The following PTPRD variants were observed in gnomAD, a reference collection of about 807,000 sequenced individuals.
PTPRD encodes the protein receptor-type tyrosine-protein phosphatase delta.
A neutral mutation model predicts 214.5 loss-of-function variants in PTPRD; 34 were observed. That is an observed-to-expected ratio of 0.16 (90% CI 0.12 to 0.21). The LOEUF is 0.21. Ranked by LOEUF, PTPRD falls within the 10% of genes least tolerant of loss-of-function variation. The pLI is 1.00. For missense variants in PTPRD, 2,545 were observed against 2,398.7 expected (o/e 1.06, Z -1.27); for synonymous variants, 1,128 against 845.7 (o/e 1.33, Z -5.79).
At chr9:9,492,507 T>C (rs2095961866) in intron 8 of PTPRD, among the ~76,000 whole-genome samples, 1 of 152,046 alleles carries the variant, frequency 6.6e-6, no homozygotes. Flanking sequence ...GTACAACATA[T>C]GACAGCTGAT....
At chr9:8,511,567 G>A (rs1039877233) in intron 21 of PTPRD, among the ~76,000 whole-genome samples, 12 of 152,024 alleles carry the variant, frequency 7.9e-5, no homozygotes, top group East Asian at 3.9e-4. Flanking sequence ...AAGAAAATGT[G>A]AGATTCTGGG....
intron 3 of PTPRD, among the ~76,000 whole-genome samples, chr9:10,093,807 C>T (rs1400036819): frequency 6.6e-6 from 1 of 151,312 alleles, no homozygotes; most frequent in East Asian, 1.9e-4. Flanking sequence ...CAGCTGGAGA[C>T]CATTACCATA....
At chr9:10,236,867 C>A (rs887483883) in intron 3 of PTPRD, among the ~76,000 whole-genome samples, 2 of 151,878 alleles carry the variant, frequency 1.3e-5, no homozygotes, top group East Asian at 3.9e-4. Context: ...TTGTTTATAA[C>A]TGACCATTAA....
intron 2 of PTPRD, among the ~76,000 whole-genome samples, chr9:10,474,491 A>G (rs1333536324): frequency 6.6e-6 from 1 of 152,138 alleles, no homozygotes. Context: ...TTCATAAAAC[A>G]AATTCTTAGA....
intron 9 of PTPRD, among the ~76,000 whole-genome samples, chr9:9,260,950 T>G (rs541434137): frequency 6.6e-6 from 1 of 152,012 alleles, no homozygotes; most frequent in Non-Finnish European, 1.5e-5. Context: ...TAGCTAATTC[T>G]TTGGTATTTT....
chr9:10,571,797 C>G (rs2067530032), intron 2 of PTPRD, among the ~76,000 whole-genome samples: 1 of 152,060 alleles, frequency 6.6e-6, no homozygotes, highest in South Asian at 2.1e-4. Context: ...AACAGGCGAC[C>G]TAGATCTCTC....
At chr9:8,381,722 T>C (rs781771606) in intron 37 of PTPRD, among the ~76,000 whole-genome samples, 9 of 152,206 alleles carry the variant, frequency 5.9e-5, no homozygotes, top group Non-Finnish European at 8.8e-5. Context: ...TACCAGTTCA[T>C]TGAACCATTC....
rs150583737 is a variant in PTPRD, at chr9:10,491,003, T to A, written c.-600+121395A>T. ...AGATTTACACACATATACAAACATA[T>A]ATAATTTATTTGCTTTGCAAAAATT... On this transcript the variant is annotated intron_variant, in intron 2 of 45. Transcript: ENST00000381196. 2.8e-3 allele frequency among the ~76,000 whole-genome samples: 428 copies of A among 152,316 alleles called. 2 individuals carry two copies. The highest frequency in any genetic ancestry group is 0.01 in the African/African-American group (417 of 41,576).
At chr9:10,603,761 A>T (rs538677179) in intron 2 of PTPRD, among the ~76,000 whole-genome samples, 2 of 151,962 alleles carry the variant, frequency 1.3e-5, no homozygotes, top group East Asian at 3.9e-4. Context: ...ATGAGGCAGT[A>T]TATAAGAGAT....
intron 9 of PTPRD, among the ~76,000 whole-genome samples, chr9:9,242,571 C>T (rs1417769778): frequency 1.3e-5 from 2 of 152,124 alleles, no homozygotes; most frequent in South Asian, 2.1e-4. Context: ...AACTTCTCTT[C>T]TCGCTTCATT....
chr9:8,939,544 C>T (rs1337305221), intron 11 of PTPRD, among the ~76,000 whole-genome samples: 1 of 146,114 alleles, frequency 6.8e-6, no homozygotes. Context: ...TTTATTTTAG[C>T]TTTTCATCTA....
chr9:9,067,815 A>G (rs1332165488), intron 10 of PTPRD, among the ~76,000 whole-genome samples: 3 of 152,052 alleles, frequency 2.0e-5, no homozygotes, highest in African/African-American at 7.2e-5. Flanking sequence ...AGATTTTTTT[A>G]GTTGTATTTG....
Position 8,465,685 on chromosome 9 carries a change from A to G in PTPRD, c.3505-10T>C. ...ATATCTCCTTAAGCAGCTTAAGGAA[A>G]AAAGTGGGAAACAGAAAAAGAACTG... On this transcript the variant is annotated splice_polypyrimidine_tract_variant and intron_variant, in intron 31 of 45. Coordinates refer to ENST00000381196, the MANE Select transcript of PTPRD (RefSeq NM_002839.4). 1 of 1,591,696 alleles carries G rather than the reference A, an allele frequency of 6.3e-7. No individual in the cohort carries two copies. The highest frequency in any genetic ancestry group is 1.1e-5 in the South Asian group (1 of 88,562).
intron 33 of PTPRD, among the ~76,000 whole-genome samples, chr9:8,455,139 G>A (rs1361034719): frequency 1.3e-5 from 2 of 152,092 alleles, no homozygotes. Flanking sequence ...AGGTAATAAG[G>A]TGGCAGAAAT....
intron 3 of PTPRD, among the ~76,000 whole-genome samples, chr9:10,208,035 A>T (rs2099492864): frequency 6.6e-6 from 1 of 152,208 alleles, no homozygotes; most frequent in African/African-American, 2.4e-5. Flanking sequence ...ATAGAGCATC[A>T]GAAGTTGTCG....
intron 2 of PTPRD, among the ~76,000 whole-genome samples, chr9:10,399,651 G>A (rs932101976): frequency 6.6e-6 from 1 of 151,864 alleles, no homozygotes; most frequent in African/African-American, 2.4e-5. Context: ...CCTATGTGGA[G>A]GCTTGTTCAG....
At chr9:8,908,818 C>T (rs1480002843) in intron 11 of PTPRD, among the ~76,000 whole-genome samples, 2 of 151,034 alleles carry the variant, frequency 1.3e-5, no homozygotes, top group Non-Finnish European at 3.0e-5. Flanking sequence ...ACTGATAAAC[C>T]TTTAACTCGA....
At chr9:10,302,094 A>G (rs1275337730) in intron 3 of PTPRD, among the ~76,000 whole-genome samples, 1 of 152,232 alleles carries the variant, frequency 6.6e-6, no homozygotes, top group Non-Finnish European at 1.5e-5. Flanking sequence ...CCTACAAGCC[A>G]GAAGAGAGTG....
At chr9:9,074,388 C>G (rs2099748001) in intron 10 of PTPRD, among the ~76,000 whole-genome samples, 1 of 152,024 alleles carries the variant, frequency 6.6e-6, no homozygotes, top group Non-Finnish European at 1.5e-5. Flanking sequence ...CACATATACG[C>G]AAATTTTGGT....
Sources: gnomAD v4.1 joint callset for allele counts (sites outside exome capture counted in the v4.1 genomes callset) on GRCh38, gnomAD v4.1.1 for gene constraint, MANE v1.5 for transcripts, NCBI Gene and HGNC (gene_info 2026-07-23, HGNC 2026-07-21) for gene names.